DCC: variants seen among roughly 807,000 people sequenced by gnomAD.
The protein encoded by DCC is DCC netrin 1 receptor, also known as netrin receptor DCC.
In DCC, 58 loss-of-function variants were observed where a neutral mutation model predicts 172.5. That is an observed-to-expected ratio of 0.34 (90% CI 0.27 to 0.42). The LOEUF (loss-of-function observed/expected upper bound fraction) is 0.42, where lower values mean the gene tolerates loss of function less well. Among genes scored for constraint, DCC ranks in the 10% least tolerant of loss-of-function variants. The pLI, the probability that DCC is intolerant of heterozygous loss-of-function variation, is 1.00. For synonymous variants in DCC, 709 were observed against 644.5 expected (o/e 1.10, Z -1.52); for missense variants, 1,740 against 1,791.0 (o/e 0.97, Z 0.51).
chr18:53,137,282 A>G (rs1032252171), intron 7 of DCC, among the ~76,000 whole-genome samples: 6 of 152,204 alleles, frequency 3.9e-5, no homozygotes, highest in Admixed American at 6.5e-5. Flanking sequence ...CTGGGGAATG[A>G]TCCACTTCCA....
chr18:52,382,131 G>A (rs1166768922), intron 1 of DCC, among the ~76,000 whole-genome samples: 1 of 152,132 alleles, frequency 6.6e-6, no homozygotes, highest in Non-Finnish European at 1.5e-5. Context: ...TCTGTGCTAA[G>A]TGGACTTTCA....
chr18:53,283,956 G>T (rs1417904870), intron 12 of DCC, among the ~76,000 whole-genome samples: 4 of 152,156 alleles, frequency 2.6e-5, no homozygotes, highest in Non-Finnish European at 4.4e-5. Flanking sequence ...TAAACACTAT[G>T]ATGAAAAGTA....
At chr18:53,392,726 C>T (rs4940256) in intron 17 of DCC, among the ~76,000 whole-genome samples, 101,648 of 152,106 alleles carry the variant, frequency 0.67, 36,953 homozygotes, top group Non-Finnish European at 0.82. Flanking sequence ...ATGTACTACA[C>T]CATAGAGATG....
intron 1 of DCC, among the ~76,000 whole-genome samples, chr18:52,348,326 G>A (rs1311909042): frequency 1.3e-5 from 2 of 152,166 alleles, no homozygotes; most frequent in Non-Finnish European, 2.9e-5. Context: ...ACCATGTTTA[G>A]GGTGCATACC....
At chr18:53,015,259 C>T (rs1472460006) in intron 5 of DCC, among the ~76,000 whole-genome samples, 1 of 152,084 alleles carries the variant, frequency 6.6e-6, no homozygotes, top group Non-Finnish European at 1.5e-5. Context: ...AGAACTGAAA[C>T]CTTTCTGATC....
chr18:53,092,085 A>T (rs116177699), intron 7 of DCC, among the ~76,000 whole-genome samples: 3,177 of 152,236 alleles, frequency 0.021, 107 homozygotes, highest in African/African-American at 0.072. Flanking sequence ...GCTATAGAAT[A>T]ACATGTTCAT....
chr18:52,685,715 G>A (rs1271154453), intron 1 of DCC, among the ~76,000 whole-genome samples: 1 of 151,944 alleles, frequency 6.6e-6, no homozygotes, highest in African/African-American at 2.4e-5. Context: ...TCCTTTCTCT[G>A]TTGTCCACTT....
At chr18:52,496,001 A>G (rs1455583595) in intron 1 of DCC, among the ~76,000 whole-genome samples, 2 of 152,086 alleles carry the variant, frequency 1.3e-5, no homozygotes. Context: ...TTTATTGATT[A>G]CTTACTTTAG....
intron 1 of DCC, among the ~76,000 whole-genome samples, chr18:52,385,362 G>A (rs1985753639): frequency 6.6e-6 from 1 of 151,532 alleles, no homozygotes. Context: ...CGCAACCTCT[G>A]CCTCCAGGTT....
At chr18:53,291,312 G>A (rs960372507) in intron 12 of DCC, among the ~76,000 whole-genome samples, 39 of 152,024 alleles carry the variant, frequency 2.6e-4, no homozygotes, top group Non-Finnish European at 5.4e-4. Flanking sequence ...ATTTTATCAT[G>A]AGGGCATTAT....
chr18:53,427,897 T>G (rs868018148), intron 21 of DCC, among the ~76,000 whole-genome samples: 1 of 82,648 alleles, frequency 1.2e-5, no homozygotes, highest in African/African-American at 4.3e-5. Flanking sequence ...ATATAATAAA[T>G]TATATATAAT....
chr18:52,584,544 G>A (rs544396036), intron 1 of DCC, among the ~76,000 whole-genome samples: 22 of 152,026 alleles, frequency 1.4e-4, no homozygotes, highest in African/African-American at 2.4e-4. Context: ...TTAGACTAAC[G>A]CACAGATATA....
chr18:52,927,580 G>T (rs17482112), intron 5 of DCC, among the ~76,000 whole-genome samples: 3,163 of 151,826 alleles, frequency 0.021, 57 homozygotes, highest in Admixed American at 0.039. Flanking sequence ...CAGATGATTA[G>T]TCTCTATTAC....
chr18:53,245,494 T>C (rs1010503501), intron 12 of DCC, among the ~76,000 whole-genome samples: 3 of 152,148 alleles, frequency 2.0e-5, no homozygotes, highest in African/African-American at 4.8e-5. Flanking sequence ...TGGAACTGTT[T>C]CTAGCATATG....
At chr18:52,507,329 T>G (rs776888681) in intron 1 of DCC, among the ~76,000 whole-genome samples, 14 of 152,208 alleles carry the variant, frequency 9.2e-5, no homozygotes, top group Non-Finnish European at 1.9e-4. Context: ...GTCAAATATA[T>G]TAACACAGTG....
At chr18:53,128,045 A>G (rs2043591448) in intron 7 of DCC, among the ~76,000 whole-genome samples, 1 of 152,142 alleles carries the variant, frequency 6.6e-6, no homozygotes. Flanking sequence ...GCATAAACAT[A>G]GCTGGCAAAG....
intron 1 of DCC, among the ~76,000 whole-genome samples, chr18:52,516,540 C>T (rs986661103): frequency 6.6e-6 from 1 of 152,100 alleles, no homozygotes; most frequent in African/African-American, 2.4e-5. Flanking sequence ...GTATTTCTTA[C>T]AACTGCATGT....
chr18:52,706,351 C>A (rs1370980427), intron 1 of DCC, among the ~76,000 whole-genome samples: 1 of 152,166 alleles, frequency 6.6e-6, no homozygotes, highest in Non-Finnish European at 1.5e-5. Flanking sequence ...AGGAATCTCA[C>A]AGACCAAGGC....
intron 12 of DCC, among the ~76,000 whole-genome samples, chr18:53,228,796 T>C (rs1445788919): frequency 6.6e-6 from 1 of 152,150 alleles, no homozygotes; most frequent in Non-Finnish European, 1.5e-5. Flanking sequence ...AACAATACCT[T>C]AAACCAGTTA....
Sources: gnomAD v4.1 joint callset for allele counts (sites outside exome capture counted in the v4.1 genomes callset) on GRCh38, gnomAD v4.1.1 for gene constraint, MANE v1.5 for transcripts, NCBI Gene and HGNC (gene_info 2026-07-23, HGNC 2026-07-21) for gene names.